The following PCM1 variants were observed in gnomAD, a reference collection of about 807,000 sequenced individuals.
PCM1 encodes the protein pericentriolar material 1 protein.
Under a neutral mutation model 241.9 loss-of-function variants are expected in PCM1, and 157 were observed. That is an observed-to-expected ratio of 0.65 (90% CI 0.57 to 0.74). The LOEUF (loss-of-function observed/expected upper bound fraction) is 0.74, where lower values mean the gene tolerates loss of function less well. Ranked by LOEUF, PCM1 falls within the 30% of genes least tolerant of loss-of-function variation. The probability of loss-of-function intolerance (pLI) is 0.00; values close to 1 mark genes in which losing one functional copy is unlikely to be tolerated. For missense variants in PCM1, 3,478 were observed against 2,360.1 expected, an observed-to-expected ratio of 1.47 and a Z score of -9.81; for synonymous variants, 1,085 against 784.9, an observed-to-expected ratio of 1.38 and a Z score of -6.39.
rs925998656 is a variant in PCM1, at chr8:17,980,460, G to A, written c.3944-131G>A. The A allele has an allele frequency of 1.5e-5, 9 of 620,096 alleles. No individual in the cohort carries two copies. The Middle Eastern group carries it at 9.7e-4, about 67-fold the overall frequency. The allele number at this position is 620,096 out of a possible 1,614,324, so 38.4% of individuals were successfully genotyped here. ...ACCTCCAAGACATATTTACTGTTTT[G>A]TATTCTATTTATACCAGGCCTTCCT... On this transcript the variant is annotated intron_variant, in intron 23 of 38. Coordinates refer to ENST00000325083, the MANE Select transcript of PCM1 (RefSeq NM_006197.4).
At position 17,989,074 on chromosome 8, in the gene PCM1, T is replaced by A. The variant is rs144162063; in HGVS notation, c.4411-785T>A. On this transcript the variant is annotated intron_variant, in intron 26 of 38. Coordinates refer to ENST00000325083, the MANE Select transcript of PCM1 (RefSeq NM_006197.4). ...AAGAGATAAATGGATAAACAAACTG[T>A]GGTATATCTATACAGTGGAATACTG... Among the ~76,000 whole-genome samples, 1,460 of 152,098 alleles carry A rather than the reference T, an allele frequency of 9.6e-3. 10 individuals carry two copies. Among genetic ancestry groups the A allele is most frequent in the Admixed American group, 0.012 (188 of 15,266 alleles).
chr8:17,948,536 C>G (rs2064785869), intron 7 of PCM1, among the ~76,000 whole-genome samples: 2 of 151,954 alleles, frequency 1.3e-5, no homozygotes, highest in African/African-American at 2.4e-5. Flanking sequence ...AACTCCTGAC[C>G]TTGTGATCTG....
At chr8:18,021,349 G>A (rs941016047) in intron 36 of PCM1, among the ~76,000 whole-genome samples, 3 of 152,160 alleles carry the variant, frequency 2.0e-5, no homozygotes, top group African/African-American at 7.2e-5. Flanking sequence ...AACTCATAAA[G>A]CTGGAAAGAC....
At chr8:17,961,326 T>TTTTG (rs2071879256) in intron 15 of PCM1, among the ~76,000 whole-genome samples, 2 of 147,278 alleles carry the variant, frequency 1.4e-5, no homozygotes, top group South Asian at 4.4e-4. Flanking sequence ...TTTTTTTTTT[T>TTTTG]TTGAGACGGA....
chr8:18,016,109 C>T (rs1020928829), intron 36 of PCM1, among the ~76,000 whole-genome samples: 9 of 152,242 alleles, frequency 5.9e-5, no homozygotes, highest in East Asian at 3.9e-4. Context: ...AGAATGATCT[C>T]GATCTCCTGA....
intron 2 of PCM1, among the ~76,000 whole-genome samples, chr8:17,929,770 T>C (rs995826480): frequency 6.6e-5 from 10 of 152,206 alleles, no homozygotes; most frequent in East Asian, 1.9e-4. Context: ...CCAAACTCTA[T>C]GTGTATGTTA....
At chr8:18,013,373 C>T (rs948147487) in intron 34 of PCM1, among the ~76,000 whole-genome samples, 4 of 152,204 alleles carry the variant, frequency 2.6e-5, no homozygotes, top group Non-Finnish European at 5.9e-5. Context: ...ATTTGTGTCT[C>T]CACCTCTACT....
chr8:17,925,907 T>C lies in PCM1; in HGVS notation c.-23+1127T>C, dbSNP rs552922152. Reference sequence around the variant, plus strand: ...CTACAAAAGCAGACAGATTTTTATTTTATAGCTCTCCTATGAGGACCTGAA... The same window carrying C: ...CTACAAAAGCAGACAGATTTTTATTCTATAGCTCTCCTATGAGGACCTGAA... On this transcript the variant is annotated intron_variant, in intron 2 of 38. Transcript: ENST00000325083. 127 of 152,316 alleles carry C rather than the reference T, an allele frequency of 8.3e-4. 1 individual carries two copies. Among genetic ancestry groups the C allele is most frequent in the African/African-American group, 2.9e-3 (122 of 41,578 alleles). 9.4% of individuals were successfully genotyped at this position (152,316 alleles called of 1,614,324 possible).
intron 38 of PCM1, among the ~76,000 whole-genome samples, chr8:18,025,942 A>G (rs964703082): frequency 1.3e-5 from 2 of 151,932 alleles, no homozygotes; most frequent in African/African-American, 4.8e-5. Flanking sequence ...AGGCGGGTGG[A>G]TCACGAGGTC....
chr8:17,983,030 G>A (rs2081413778), intron 24 of PCM1, among the ~76,000 whole-genome samples: 3 of 152,054 alleles, frequency 2.0e-5, no homozygotes, highest in Admixed American at 6.6e-5. Context: ...ATCATCGGTC[G>A]CCTTAATATA....
rs2074956062 is a variant in PCM1, at chr8:17,966,533, A to G, written c.3221+60A>G. 9.4e-6 allele frequency: 14 copies of G among 1,482,454 alleles called. No homozygotes were observed. The South Asian group carries it at 1.7e-4, about 18-fold the overall frequency. 91.8% of individuals were successfully genotyped at this position (1,482,454 alleles called of 1,614,324 possible). On this transcript the variant is annotated intron_variant, in intron 20 of 38. Coordinates refer to ENST00000325083, the MANE Select transcript of PCM1 (RefSeq NM_006197.4). ...AGAGCTAACATTGAGCAGAGGTTTTACAGTTAGCTTCTGGGAGAAAAGAGC... is the reference window on the plus strand; with the variant it reads ...AGAGCTAACATTGAGCAGAGGTTTTGCAGTTAGCTTCTGGGAGAAAAGAGC...
rs956088507 is a variant in PCM1 at position 17,969,650 on chromosome 8, G to A, written c.3486G>A (p.Gln1162=). 3.1e-5 allele frequency: 50 copies of A among 1,612,612 alleles called. No individual in the cohort carries two copies. The highest frequency in any genetic ancestry group is 4.2e-5 in the Non-Finnish European group (50 of 1,179,006). ...AGAATATCTCTACACCCAGTGAACA[G>A]CAGCAACCCTTAGCCCAGAATTCTT... The part of the protein sequence containing the change: ...FSQNISTPSE[Q]QQPLAQNSSG... Residue 1162 remains glutamine, a synonymous_variant, in exon 22 of 39, where the codon CAG becomes CAA. Coordinates refer to ENST00000325083, the MANE Select transcript of PCM1 (RefSeq NM_006197.4).
chr8:18,016,845 C>G (rs2093266564), intron 36 of PCM1, among the ~76,000 whole-genome samples: 2 of 152,204 alleles, frequency 1.3e-5, no homozygotes, highest in Admixed American at 6.5e-5. Context: ...TAGTTAGACC[C>G]TCAGCCAGGA....
chr8:17,928,279 C>G (rs929540926), intron 2 of PCM1, among the ~76,000 whole-genome samples: 1 of 152,170 alleles, frequency 6.6e-6, no homozygotes, highest in Non-Finnish European at 1.5e-5. Context: ...TGAATAGTCT[C>G]TCGTTTCCCT....
chr8:17,990,195 A>G (rs917440575), intron 27 of PCM1, among the ~76,000 whole-genome samples: 1 of 152,038 alleles, frequency 6.6e-6, no homozygotes, highest in Non-Finnish European at 1.5e-5. Context: ...ATACTAAGGA[A>G]ATGGGAATTT....
At chr8:17,968,942 T>C (rs1315862252) in intron 21 of PCM1, among the ~76,000 whole-genome samples, 2 of 152,068 alleles carry the variant, frequency 1.3e-5, no homozygotes, top group Admixed American at 6.6e-5. Flanking sequence ...TACTAAAATA[T>C]ACTTCATACC....
rs143070826 is a variant in PCM1 at position 18,028,359 on chromosome 8, C to T, written c.*697C>T. On this transcript the variant is annotated 3_prime_UTR_variant, in exon 39 of 39. Transcript: ENST00000325083. ...ATTTGAAATTCTGGAAAATATTTATCTACATCGCCTCAGACTAAAAGTAAA... is the reference window on the plus strand; with the variant it reads ...ATTTGAAATTCTGGAAAATATTTATTTACATCGCCTCAGACTAAAAGTAAA... 1.6e-5 allele frequency: 3 copies of T among 191,348 alleles called. No homozygotes were observed. Among genetic ancestry groups the T allele is most frequent in the African/African-American group, 4.6e-5 (2 of 43,064 alleles). 11.9% of individuals were successfully genotyped at this position (191,348 alleles called of 1,614,324 possible).
chr8:17,925,845 A>G (rs1304345744), intron 2 of PCM1: 1 of 152,262 alleles, frequency 6.6e-6, no homozygotes, highest in Non-Finnish European at 1.5e-5. Flanking sequence ...TCAAAAAAAA[A>G]GAAACTTTTG....
intron 21 of PCM1, among the ~76,000 whole-genome samples, chr8:17,967,827 C>A (rs186264581): frequency 6.6e-6 from 1 of 152,082 alleles, no homozygotes; most frequent in Non-Finnish European, 1.5e-5. Context: ...TGCTAATAGA[C>A]TAAAGGAGAG....
Sources: gnomAD v4.1 joint callset for allele counts (sites outside exome capture counted in the v4.1 genomes callset) on GRCh38, gnomAD v4.1.1 for gene constraint, MANE v1.5 for transcripts, NCBI Gene and HGNC (gene_info 2026-07-23, HGNC 2026-07-21) for gene names.